PEPD: variants seen among roughly 807,000 people sequenced by gnomAD.
The protein encoded by PEPD is peptidase D, also known as xaa-Pro dipeptidase.
In PEPD, 53 loss-of-function variants were observed where a neutral mutation model predicts 60.7. The observed-to-expected ratio is 0.87, with a 90% CI of 0.70 to 1.10. The LOEUF (loss-of-function observed/expected upper bound fraction) is 1.10. PEPD is among the 50% of genes least tolerant of loss of function. PEPD has a pLI of 0.00. For synonymous variants in PEPD, 267 were observed against 284.1 expected (o/e 0.94, Z 0.60); for missense variants, 711 against 711.9 (o/e 1.00, Z 0.01).
At chr19:33,477,815 A>G (rs1970246492) in intron 7 of PEPD, among the ~76,000 whole-genome samples, 1 of 152,190 alleles carries the variant, frequency 6.6e-6, no homozygotes. Flanking sequence ...AAGATTGCAA[A>G]TAAGGGAAAT....
intron 9 of PEPD, among the ~76,000 whole-genome samples, chr19:33,458,297 T>C (rs1244272425): frequency 6.6e-6 from 1 of 150,828 alleles, no homozygotes; most frequent in Non-Finnish European, 1.5e-5. Flanking sequence ...GTGAGTGTGG[T>C]GTGTAGGTGC....
intron 3 of PEPD, among the ~76,000 whole-genome samples, chr19:33,505,241 G>A (rs1464985698): frequency 2.0e-5 from 3 of 152,100 alleles, no homozygotes; most frequent in East Asian, 1.9e-4. Context: ...CTGCCTCGCC[G>A]ACTCTCACTC....
At chr19:33,433,411 G>C (rs1375683544) in intron 9 of PEPD, among the ~76,000 whole-genome samples, 2 of 152,184 alleles carry the variant, frequency 1.3e-5, no homozygotes, top group Admixed American at 6.5e-5. Context: ...TGCCCACTCT[G>C]TACCTCCAGG....
intron 3 of PEPD, among the ~76,000 whole-genome samples, chr19:33,506,645 G>A (rs1970818204): frequency 1.1e-5 from 1 of 87,086 alleles, no homozygotes; most frequent in African/African-American, 4.8e-5. Context: ...GCACACACAT[G>A]CCCACACACA....
Position 33,509,121 on chromosome 19 carries a change from C to T in PEPD, c.329+1907G>A, listed in dbSNP as rs376661. 2.4e-3 allele frequency among the ~76,000 whole-genome samples: 365 copies of T among 152,356 alleles called. 9 individuals are homozygous for T. The East Asian group carries it at 0.059, about 24-fold the overall frequency. On this transcript the variant is annotated intron_variant, in intron 3 of 14. Coordinates refer to ENST00000244137, the MANE Select transcript of PEPD (RefSeq NM_000285.4). ...ACACCAGCACGCTGAGCCATCTCCT[C>T]TTTTGTAACAGGGCAGTCATAAGGA...
intron 6 of PEPD, among the ~76,000 whole-genome samples, chr19:33,484,506 A>C (rs879791448): frequency 2.6e-5 from 4 of 152,186 alleles, no homozygotes; most frequent in Non-Finnish European, 4.4e-5. Flanking sequence ...ACATACAGCC[A>C]TGTGCACAAC....
At chr19:33,439,318 C>T (rs1055340226) in intron 9 of PEPD, among the ~76,000 whole-genome samples, 7 of 152,328 alleles carry the variant, frequency 4.6e-5, no homozygotes, top group Non-Finnish European at 7.4e-5. Context: ...GCACCTGAGC[C>T]GAGGGGTCCT....
At chr19:33,448,537 T>C (rs1246385401) in intron 9 of PEPD, among the ~76,000 whole-genome samples, 3 of 152,202 alleles carry the variant, frequency 2.0e-5, no homozygotes, top group Non-Finnish European at 4.4e-5. Flanking sequence ...GTCTTTTTTT[T>C]TCCCCAGAGC....
At chr19:33,453,361 C>T (rs1438634564) in intron 9 of PEPD, among the ~76,000 whole-genome samples, 1 of 131,932 alleles carries the variant, frequency 7.6e-6, no homozygotes, top group Non-Finnish European at 1.6e-5. Flanking sequence ...ACAACAAGCA[C>T]CATAAGGATG....
intron 6 of PEPD, among the ~76,000 whole-genome samples, chr19:33,488,615 G>C (rs935940698): frequency 1.3e-5 from 2 of 152,152 alleles, no homozygotes; most frequent in Non-Finnish European, 2.9e-5. Flanking sequence ...CGTGGGAGGC[G>C]GGGCCGCTTT....
chr19:33,428,220 A>T (rs1969192553), intron 9 of PEPD, among the ~76,000 whole-genome samples: 1 of 152,208 alleles, frequency 6.6e-6, no homozygotes, highest in Non-Finnish European at 1.5e-5. Context: ...GGCTTGGAGG[A>T]TGCAGAAGAG....
intron 1 of PEPD, among the ~76,000 whole-genome samples, chr19:33,514,256 G>A (rs1201807941): frequency 1.3e-5 from 2 of 152,106 alleles, no homozygotes; most frequent in Non-Finnish European, 2.9e-5. Flanking sequence ...CAGAGCTGGT[G>A]CGAGCAGAGA....
intron 2 of PEPD, chr19:33,511,591 C>T (rs1970927935): frequency 3.4e-6 from 1 of 296,182 alleles, no homozygotes; most frequent in South Asian, 3.3e-5. Flanking sequence ...CCTCTCCCAC[C>T]CCCGGGACGG....
intron 9 of PEPD, among the ~76,000 whole-genome samples, chr19:33,414,216 GCACA>G (rs1968840817): frequency 6.6e-6 from 1 of 152,190 alleles, no homozygotes. Flanking sequence ...AAGGCCTGGG[GCACA>G]CATCCTGCTT....
intron 9 of PEPD, among the ~76,000 whole-genome samples, chr19:33,438,366 C>T (rs1279146307): frequency 6.6e-6 from 1 of 152,244 alleles, no homozygotes; most frequent in Non-Finnish European, 1.5e-5. Context: ...CTTCTCTGAG[C>T]CAGACCAGGG....
At chr19:33,495,755 GC>G (rs1489718237) in intron 4 of PEPD, among the ~76,000 whole-genome samples, 2 of 152,100 alleles carry the variant, frequency 1.3e-5, no homozygotes, top group Non-Finnish European at 2.9e-5. Context: ...GAAGGCTGAG[GC>G]GGGTGGATCA....
intron 7 of PEPD, among the ~76,000 whole-genome samples, chr19:33,476,825 T>A (rs1319977613): frequency 2.0e-5 from 3 of 151,928 alleles, no homozygotes; most frequent in Non-Finnish European, 4.4e-5. Flanking sequence ...CACCATGCCC[T>A]GCTAATTTTT....
At chr19:33,481,660 G>T (rs974053053) in intron 6 of PEPD, among the ~76,000 whole-genome samples, 2 of 152,114 alleles carry the variant, frequency 1.3e-5, no homozygotes, top group African/African-American at 4.8e-5. Flanking sequence ...AAAAGCCCAG[G>T]ACCAAATGTC....
At chr19:33,512,409 C>T (rs1020125102) in intron 2 of PEPD, among the ~76,000 whole-genome samples, 184 bp downstream of exon 2, 2 of 152,128 alleles carry the variant, frequency 1.3e-5, no homozygotes, top group African/African-American at 4.8e-5. Context: ...CTGGGCCACC[C>T]GCTGCCCCAC....
Sources: gnomAD v4.1 joint callset for allele counts (sites outside exome capture counted in the v4.1 genomes callset) on GRCh38, gnomAD v4.1.1 for gene constraint, MANE v1.5 for transcripts, NCBI Gene and HGNC (gene_info 2026-07-23, HGNC 2026-07-21) for gene names.